Variants in IL1RAPL2 observed in about 807,000 individuals in gnomAD.
The protein encoded by IL1RAPL2 is interleukin 1 receptor accessory protein like 2, also known as X-linked interleukin-1 receptor accessory protein-like 2.
In IL1RAPL2, 3 loss-of-function variants were observed where a neutral mutation model predicts 44.1. The observed-to-expected ratio is 0.07, with a 90% CI of 0.03 to 0.18. The LOEUF is 0.18. IL1RAPL2 is among the 10% of genes least tolerant of loss of function. The pLI is 1.00. For missense variants in IL1RAPL2, 391 were observed against 496.4 expected (o/e 0.79, Z 2.02); for synonymous variants, 181 against 178.8 (o/e 1.01, Z -0.10).
intron 1 of IL1RAPL2, among the ~76,000 whole-genome samples, chrX:104,580,616 T>C (rs1042422237): frequency 8.9e-6 from 1 of 111,743 alleles, no homozygotes; most frequent in Admixed American, 9.5e-5. Context: ...CTGCAGAAGG[T>C]ATATATATTT....
At chrX:105,761,973 G>A (rs1266573975) in intron 10 of IL1RAPL2, among the ~76,000 whole-genome samples, 3 of 111,847 alleles carry the variant, frequency 2.7e-5, no homozygotes, top group Non-Finnish European at 5.6e-5. Flanking sequence ...AGAAATTCAT[G>A]AATATAGAGT....
intron 5 of IL1RAPL2, among the ~76,000 whole-genome samples, chrX:105,328,114 A>G (rs2034954719): frequency 9.0e-6 from 1 of 111,700 alleles, no homozygotes; most frequent in South Asian, 3.7e-4. Flanking sequence ...AATCAATGTT[A>G]CAACTATGAA....
chrX:105,009,535 T>C (rs1437350498), intron 2 of IL1RAPL2, among the ~76,000 whole-genome samples: 1 of 92,022 alleles, frequency 1.1e-5, no homozygotes, highest in Non-Finnish European at 2.0e-5. Context: ...CACTCATAGG[T>C]GGGAATTGAA....
intron 3 of IL1RAPL2, among the ~76,000 whole-genome samples, chrX:105,233,111 G>A (rs2147635720): frequency 9.0e-6 from 1 of 111,423 alleles, no homozygotes; most frequent in East Asian, 2.8e-4. Flanking sequence ...GTGAAACCCC[G>A]TCTCTACTAA....
intron 2 of IL1RAPL2, among the ~76,000 whole-genome samples, chrX:104,737,809 C>T (rs1932041326): frequency 9.0e-6 from 1 of 111,648 alleles, no homozygotes; most frequent in Admixed American, 9.6e-5. Context: ...GTTCTTCTTC[C>T]AGCCTCATTT....
intron 2 of IL1RAPL2, among the ~76,000 whole-genome samples, chrX:104,660,914 C>A (rs1453732473): frequency 3.0e-5 from 3 of 99,553 alleles, no homozygotes; most frequent in Non-Finnish European, 6.0e-5. Flanking sequence ...GCCTGGGTGA[C>A]AGAACCAGAC....
At chrX:104,778,028 T>A (rs1395877430) in intron 2 of IL1RAPL2, among the ~76,000 whole-genome samples, 6 of 111,776 alleles carry the variant, frequency 5.4e-5, no homozygotes, top group Non-Finnish European at 1.1e-4. Flanking sequence ...TTGTTTTTTT[T>A]TTATTTTTGA....
intron 4 of IL1RAPL2, among the ~76,000 whole-genome samples, chrX:105,262,789 G>A (rs2034369607): frequency 8.9e-6 from 1 of 111,898 alleles, no homozygotes; most frequent in South Asian, 3.7e-4. Flanking sequence ...TTGGAGTAGA[G>A]ATAGGCTGAA....
intron 2 of IL1RAPL2, among the ~76,000 whole-genome samples, chrX:104,914,081 T>A (rs1924335222): frequency 8.9e-6 from 1 of 111,746 alleles, no homozygotes; most frequent in African/African-American, 3.3e-5. Context: ...ATAAGATCAC[T>A]TTGTAGGGGG....
chrX:104,838,596 T>C (rs969914436), intron 2 of IL1RAPL2, among the ~76,000 whole-genome samples: 3 of 111,338 alleles, frequency 2.7e-5, no homozygotes, highest in Non-Finnish European at 5.7e-5. Context: ...TTTGCTGAAG[T>C]TGCTTATCAG....
chrX:104,788,982 G>A (rs978603254), intron 2 of IL1RAPL2, among the ~76,000 whole-genome samples: 1 of 111,748 alleles, frequency 8.9e-6, no homozygotes, highest in Non-Finnish European at 1.9e-5. Context: ...TTATGCTATT[G>A]TGAGAAGTAA....
chrX:105,311,899 G>T (rs918331995), intron 5 of IL1RAPL2, among the ~76,000 whole-genome samples: 1 of 111,026 alleles, frequency 9.0e-6, no homozygotes, highest in South Asian at 3.7e-4. Flanking sequence ...GTCAGTGTAT[G>T]CATATATGTA....
intron 5 of IL1RAPL2, among the ~76,000 whole-genome samples, chrX:105,321,465 C>G (rs1253696068): frequency 8.0e-5 from 9 of 112,084 alleles, no homozygotes; most frequent in Admixed American, 7.6e-4. Context: ...ATGCAAGGCT[C>G]TTTGTTCAAA....
chrX:104,662,797 T>C (rs779510857), intron 2 of IL1RAPL2, among the ~76,000 whole-genome samples: 2 of 112,151 alleles, frequency 1.8e-5, no homozygotes, highest in South Asian at 3.7e-4. Flanking sequence ...ATGTGAGCCA[T>C]GTTATGCAGT....
chrX:104,845,643 G>A (rs902787453), intron 2 of IL1RAPL2, among the ~76,000 whole-genome samples: 23 of 111,584 alleles, frequency 2.1e-4, no homozygotes, highest in Middle Eastern at 4.2e-3. Context: ...TGTGGCTTTC[G>A]CAGTCTTTTG....
intron 5 of IL1RAPL2, among the ~76,000 whole-genome samples, chrX:105,272,090 C>A (rs1180807184): frequency 1.1e-5 from 1 of 91,961 alleles, no homozygotes; most frequent in Non-Finnish European, 2.0e-5. Context: ...AATGAGATCA[C>A]ATGGACACAG....
intron 2 of IL1RAPL2, among the ~76,000 whole-genome samples, chrX:104,901,820 A>G (rs1433071533): frequency 8.9e-6 from 1 of 111,802 alleles, no homozygotes; most frequent in Non-Finnish European, 1.9e-5. Flanking sequence ...CTTATGCTAC[A>G]AGGTCATCGT....
chrX:105,232,336 G>T (rs781950044), intron 3 of IL1RAPL2, among the ~76,000 whole-genome samples: 1 of 111,925 alleles, frequency 8.9e-6, no homozygotes, highest in African/African-American at 3.3e-5. Flanking sequence ...GAACAGTGCC[G>T]ATCATTTGGT....
At chrX:104,950,732 G>A (rs1459526497) in intron 2 of IL1RAPL2, among the ~76,000 whole-genome samples, 5 of 107,786 alleles carry the variant, frequency 4.6e-5, no homozygotes, top group East Asian at 3.0e-4. Flanking sequence ...TTTTTGAGAC[G>A]GAGTCTCGCT....
Sources: gnomAD v4.1 joint callset for allele counts (sites outside exome capture counted in the v4.1 genomes callset) on GRCh38, gnomAD v4.1.1 for gene constraint, MANE v1.5 for transcripts, NCBI Gene and HGNC (gene_info 2026-07-23, HGNC 2026-07-21) for gene names.